Variants in PRKD3 observed in about 807,000 individuals in gnomAD.
PRKD3 encodes the protein serine/threonine-protein kinase D3.
PRKD3 carries 47 observed loss-of-function variants against 99.2 expected under a neutral mutation model. The observed-to-expected ratio is 0.47, with a 90% CI of 0.38 to 0.60. PRKD3 has a LOEUF of 0.60. Ranked by LOEUF, PRKD3 falls within the 20% of genes least tolerant of loss-of-function variation. The pLI is 0.00. For missense variants in PRKD3, 1,019 were observed against 1,088.4 expected (o/e 0.94, Z 0.90); for synonymous variants, 392 against 355.4 (o/e 1.10, Z -1.16).
chr2:37,302,623 C>G (rs1670986945), intron 2 of PRKD3, among the ~76,000 whole-genome samples: 1 of 152,222 alleles, frequency 6.6e-6, no homozygotes. Flanking sequence ...AGGTAGGAAG[C>G]TTCCAAGTTA....
At chr2:37,279,567 T>G (rs1406460238) in intron 8 of PRKD3, among the ~76,000 whole-genome samples, 179 bp downstream of exon 8, 1 of 151,846 alleles carries the variant, frequency 6.6e-6, no homozygotes, top group African/African-American at 2.4e-5. Context: ...CTTGAGTGGA[T>G]GGCAAGGGTG....
chr2:37,295,214 C>T (rs576141190), intron 2 of PRKD3, among the ~76,000 whole-genome samples: 1 of 152,038 alleles, frequency 6.6e-6, no homozygotes, highest in Non-Finnish European at 1.5e-5. Flanking sequence ...CCTTATCTTC[C>T]AGGAACTTAC....
intron 5 of PRKD3, among the ~76,000 whole-genome samples, chr2:37,288,361 C>T (rs1445408087): frequency 6.6e-6 from 1 of 152,198 alleles, no homozygotes; most frequent in African/African-American, 2.4e-5. Context: ...AAAAATCTCA[C>T]ACTAGGGCTA....
intron 2 of PRKD3, among the ~76,000 whole-genome samples, chr2:37,309,941 A>C (rs188968282): frequency 6.6e-6 from 1 of 152,224 alleles, no homozygotes; most frequent in Non-Finnish European, 1.5e-5. Context: ...TTTCACATGC[A>C]GCCCAAGAAC....
intron 2 of PRKD3, among the ~76,000 whole-genome samples, chr2:37,313,850 C>T (rs1164845972): frequency 6.6e-6 from 1 of 152,156 alleles, no homozygotes; most frequent in Non-Finnish European, 1.5e-5. Context: ...TATATCAGAA[C>T]ACACCTTCAA....
intron 2 of PRKD3, among the ~76,000 whole-genome samples, chr2:37,299,897 G>C (rs1184093981): frequency 1.3e-5 from 2 of 152,086 alleles, no homozygotes; most frequent in African/African-American, 4.8e-5. Flanking sequence ...ATGTTGGTGA[G>C]GATGCAAAGA....
At chr2:37,292,519 T>C (rs895975640) in intron 3 of PRKD3, among the ~76,000 whole-genome samples, 1 of 152,104 alleles carries the variant, frequency 6.6e-6, no homozygotes, top group African/African-American at 2.4e-5. Context: ...AAATTTTTTT[T>C]GTATTTTTAG....
At chr2:37,280,573 C>T (rs1451703227) in intron 7 of PRKD3, among the ~76,000 whole-genome samples, 1 of 152,106 alleles carries the variant, frequency 6.6e-6, no homozygotes, top group African/African-American at 2.4e-5. Flanking sequence ...TGTATATCTA[C>T]ATGCAAAAGA....
At position 37,300,708 on chromosome 2, in the gene PRKD3, T is replaced by C. The variant is rs77709114; in HGVS notation, c.289-7437A>G. Among the ~76,000 whole-genome samples the C allele has an allele frequency of 2.0e-4, 31 of 152,360 alleles. No homozygotes were observed. In the East Asian group the frequency reaches 6.0e-3, roughly 29 times the overall value. On this transcript the variant is annotated intron_variant, in intron 2 of 18. Transcript: ENST00000234179. Reference sequence around the variant, plus strand: ...AAAGAGATTAGAACTCGTCATAAGCTAAATACACCTTAGCTATTCCAATCT... The same window carrying C: ...AAAGAGATTAGAACTCGTCATAAGCCAAATACACCTTAGCTATTCCAATCT...
At chr2:37,280,059 T>C in intron 7 of PRKD3, 130 bp from the exon 8 acceptor site, 1 of 630,256 alleles carries the variant, frequency 1.6e-6, no homozygotes, top group African/African-American at 1.9e-5. Context: ...TTTCTCTTTT[T>C]TTTTTTTTTT....
intron 8 of PRKD3, chr2:37,278,573 CTGTT>C (rs1669685333): frequency 6.6e-6 from 1 of 152,226 alleles, no homozygotes; most frequent in East Asian, 1.9e-4. Context: ...ATAAAATACA[CTGTT>C]TTGAAATGTG....
In PRKD3 at chr2:37,252,104, C is replaced by G. The variant is rs1045327737; in HGVS notation, c.*1073G>C. On this transcript the variant is annotated 3_prime_UTR_variant, in exon 19 of 19. Transcript: ENST00000234179. ...CTTATAAACTGTTTCATGCTCCACT[C>G]CTACACATCCCCTCAAACTGCTTAA... The G allele has an allele frequency of 1.3e-5, 2 of 152,128 alleles. No homozygotes were observed. Among genetic ancestry groups the G allele is most frequent in the African/African-American group, 4.8e-5 (2 of 41,428 alleles). The allele number at this position is 152,128 out of a possible 1,614,324, so 9.4% of individuals were successfully genotyped here. A position where few individuals can be genotyped will look rare whatever the true frequency, so the allele number is the denominator to read the frequency against.
intron 1 of PRKD3, among the ~76,000 whole-genome samples, chr2:37,322,149 T>C (rs769029882): frequency 6.6e-6 from 1 of 152,204 alleles, no homozygotes; most frequent in South Asian, 2.1e-4. Flanking sequence ...GTATGTGGCC[T>C]TTTTCAATGC....
intron 11 of PRKD3, 32 bp downstream of exon 11, chr2:37,274,389 G>A (rs369596774): frequency 3.4e-5 from 55 of 1,609,428 alleles, no homozygotes; most frequent in Non-Finnish European, 4.0e-5. Flanking sequence ...AATTAAAGAG[G>A]AGAAAAAGCC....
In PRKD3 at chr2:37,316,808, C is replaced by T. The variant is rs537417321; in HGVS notation, c.-284G>A. 2 of 1,240,626 alleles carry T rather than the reference C, an allele frequency of 1.6e-6. No homozygotes were observed. Among genetic ancestry groups the T allele is most frequent in the East Asian group, 7.9e-5 (2 of 25,218 alleles). The allele number at this position is 1,240,626 out of a possible 1,614,324, so 76.9% of individuals were successfully genotyped here. ...AAGGATTTAACATCACTGAGCTATC[C>T]TCAGCAGGATAGAGTTGACGTAGCT... On this transcript the variant is annotated 5_prime_UTR_variant, in exon 2 of 19. Coordinates refer to ENST00000234179, the MANE Select transcript of PRKD3 (RefSeq NM_005813.6).
At position 37,263,314 on chromosome 2, in the gene PRKD3, AT is replaced by A. The variant is rs1668606519; in HGVS notation, c.1885-2931del. 4.6e-5 allele frequency among the ~76,000 whole-genome samples: 7 copies of A among 152,238 alleles called. 1 individual carries two copies. The South Asian group carries it at 1.5e-3, about 32-fold the overall frequency. ...TTTTCATGTAGGAGCTTGTTTTCTG[AT>A]TTTGTAATTTATTTCTGCTTTAATG... On this transcript the variant is annotated intron_variant, in intron 14 of 18. Coordinates refer to ENST00000234179, the MANE Select transcript of PRKD3 (RefSeq NM_005813.6).
At chr2:37,274,225 C>A (rs1165997715) in intron 11 of PRKD3, among the ~76,000 whole-genome samples, 196 bp downstream of exon 11, 1 of 152,092 alleles carries the variant, frequency 6.6e-6, no homozygotes, top group Non-Finnish European at 1.5e-5. Flanking sequence ...TAGCACTGGG[C>A]ATTGTATGTA....
intron 1 of PRKD3, among the ~76,000 whole-genome samples, chr2:37,321,180 CAG>C (rs1407059735): frequency 2.0e-5 from 3 of 152,116 alleles, no homozygotes; most frequent in African/African-American, 4.8e-5. Flanking sequence ...TTGTTTCTAA[CAG>C]GGGTACGAGG....
At position 37,256,765 on chromosome 2, in the gene PRKD3, G is replaced by A. The variant is rs1338264389; in HGVS notation, c.2310C>T (p.Leu770=). The change falls in exon 17 of 19, where the codon CTC becomes CTT. Residue 770 remains leucine (L), a synonymous_variant. Coordinates refer to ENST00000234179, the MANE Select transcript of PRKD3 (RefSeq NM_005813.6). ...CCTCATTAAAAGGAAATGTGCCACT[G>A]AGGCTCACATAGATGATAACTCCCA... ...WSVGVIIYVS[L]SGTFPFNEDE... 3.7e-6 allele frequency: 6 copies of A among 1,612,304 alleles called. No individual in the cohort carries two copies. The African/African-American group carries it at 6.7e-5, about 18-fold the overall frequency.
Sources: gnomAD v4.1 joint callset for allele counts (sites outside exome capture counted in the v4.1 genomes callset) on GRCh38, gnomAD v4.1.1 for gene constraint, MANE v1.5 for transcripts, NCBI Gene and HGNC (gene_info 2026-07-23, HGNC 2026-07-21) for gene names.